ESRRG: variants seen among roughly 807,000 people sequenced by gnomAD.
ESRRG encodes estrogen-related receptor gamma.
A neutral mutation model predicts 44.0 loss-of-function variants in ESRRG; 13 were observed. The ratio of observed to expected loss-of-function variants is 0.30; its 90% CI spans 0.19 to 0.47. ESRRG has a LOEUF of 0.47. Ranked by LOEUF, ESRRG falls within the 20% of genes least tolerant of loss-of-function variation. The pLI is 1.00. For missense variants in ESRRG, 395 were observed against 580.6 expected (o/e 0.68, Z 3.29); for synonymous variants, 215 against 214.6 (o/e 1.00, Z -0.02).
At chr1:216,899,948 A>G (rs1208687996) in intron 2 of ESRRG, among the ~76,000 whole-genome samples, 1 of 152,144 alleles carries the variant, frequency 6.6e-6, no homozygotes, top group African/African-American at 2.4e-5. Context: ...CATCTGAGTT[A>G]TGTCTTATGC....
At chr1:216,787,588 C>G in intron 2 of ESRRG, among the ~76,000 whole-genome samples, 1 of 104,956 alleles carries the variant, frequency 9.5e-6, no homozygotes, top group Non-Finnish European at 1.8e-5. Context: ...GGTGACAGAG[C>G]AAGACTCCAT....
intron 1 of ESRRG, among the ~76,000 whole-genome samples, chr1:216,688,052 G>A (rs541633221): frequency 2.6e-5 from 4 of 151,906 alleles, no homozygotes; most frequent in East Asian, 1.9e-4. Context: ...GGGTGAAAAG[G>A]GTGAGAAAAA....
At chr1:217,102,515 G>A (rs1037341479) in intron 1 of ESRRG, among the ~76,000 whole-genome samples, 5 of 152,136 alleles carry the variant, frequency 3.3e-5, no homozygotes, top group Non-Finnish European at 5.9e-5. Flanking sequence ...GGTCTCCATT[G>A]CGTACTGCCT....
At chr1:216,697,391 TTG>T (rs1199360512) in intron 1 of ESRRG, among the ~76,000 whole-genome samples, 2 of 152,232 alleles carry the variant, frequency 1.3e-5, no homozygotes, top group Non-Finnish European at 2.9e-5. Context: ...TTGTTGTGAT[TTG>T]TGTTTGTTTA....
intron 5 of ESRRG, among the ~76,000 whole-genome samples, chr1:216,522,027 T>C (rs1401686272): frequency 6.6e-6 from 1 of 152,146 alleles, no homozygotes; most frequent in Non-Finnish European, 1.5e-5. Context: ...ATTAACAATG[T>C]TACAGCCATA....
intron 1 of ESRRG, among the ~76,000 whole-genome samples, chr1:217,051,933 A>T: frequency 6.7e-6 from 1 of 150,126 alleles, no homozygotes; most frequent in East Asian, 2.0e-4. Context: ...CCAGATAATT[A>T]TTTATTTATT....
chr1:216,610,164 AC>A (rs1356921229), intron 3 of ESRRG, among the ~76,000 whole-genome samples: 5 of 152,044 alleles, frequency 3.3e-5, no homozygotes, highest in Non-Finnish European at 7.4e-5. Context: ...TCTTTAAAAA[AC>A]ATTAGGTGAC....
chr1:217,101,123 A>G (rs989713812), intron 1 of ESRRG, among the ~76,000 whole-genome samples: 2 of 152,226 alleles, frequency 1.3e-5, no homozygotes, highest in African/African-American at 4.8e-5. Flanking sequence ...CTTTCTTGCC[A>G]GGTTCTTTTG....
chr1:217,012,316 A>G (rs1171260004), intron 1 of ESRRG, among the ~76,000 whole-genome samples: 1 of 152,192 alleles, frequency 6.6e-6, no homozygotes, highest in Non-Finnish European at 1.5e-5. Context: ...CATAAGAGGT[A>G]TGCAATCAAT....
At chr1:216,618,292 G>A (rs1292329505) in intron 3 of ESRRG, among the ~76,000 whole-genome samples, 1 of 152,194 alleles carries the variant, frequency 6.6e-6, no homozygotes, top group Non-Finnish European at 1.5e-5. Context: ...AGTGGGGCGA[G>A]TTGCACTGAT....
chr1:216,522,139 G>A (rs866149887), intron 5 of ESRRG, among the ~76,000 whole-genome samples: 8 of 151,118 alleles, frequency 5.3e-5, no homozygotes, highest in African/African-American at 1.9e-4. Context: ...ATTGATGGTT[G>A]TGTGTGTGTA....
chr1:216,833,849 G>T (rs966335042), intron 2 of ESRRG, among the ~76,000 whole-genome samples: 1 of 152,128 alleles, frequency 6.6e-6, no homozygotes, highest in Non-Finnish European at 1.5e-5. Context: ...AAAATGCTAC[G>T]GATAGCACAT....
chr1:216,794,791 A>G (rs1241575108), intron 2 of ESRRG, among the ~76,000 whole-genome samples: 1 of 152,330 alleles, frequency 6.6e-6, no homozygotes, highest in East Asian at 1.9e-4. Flanking sequence ...AAGTTGCATG[A>G]ATGAAAAGGA....
At chr1:217,015,324 C>G (rs1229981540) in intron 1 of ESRRG, among the ~76,000 whole-genome samples, 1 of 152,180 alleles carries the variant, frequency 6.6e-6, no homozygotes, top group Non-Finnish European at 1.5e-5. Flanking sequence ...GGGCCATCAT[C>G]CAGACACTGC....
chr1:216,739,264 GAA>G (rs59371441), intron 2 of ESRRG, among the ~76,000 whole-genome samples: 81,884 of 143,758 alleles, frequency 0.57, 23,022 homozygotes, highest in East Asian at 0.72. Context: ...TCATTAAAGT[GAA>G]AAAAAAAAAA....
intron 2 of ESRRG, among the ~76,000 whole-genome samples, chr1:216,844,585 C>CATT (rs138664344): frequency 0.019 from 2,934 of 152,248 alleles, 105 homozygotes; most frequent in African/African-American, 0.068. Context: ...TCCATTAAGG[C>CATT]CCTCTGCCTT....
intron 2 of ESRRG, among the ~76,000 whole-genome samples, chr1:216,788,034 G>C (rs1197897905): frequency 6.6e-6 from 1 of 152,130 alleles, no homozygotes; most frequent in African/African-American, 2.4e-5. Flanking sequence ...TCACGCATTG[G>C]TTCATGAAGT....
chr1:216,568,629 C>G (rs145012071), intron 3 of ESRRG, among the ~76,000 whole-genome samples: 1 of 152,128 alleles, frequency 6.6e-6, no homozygotes, highest in African/African-American at 2.4e-5. Context: ...TCCTGAGAGA[C>G]GCAAGAATTG....
At chr1:216,918,338 G>T (rs1309399439) in intron 2 of ESRRG, among the ~76,000 whole-genome samples, 4 of 152,002 alleles carry the variant, frequency 2.6e-5, no homozygotes, top group Non-Finnish European at 5.9e-5. Context: ...TATGTGCCCT[G>T]CTCTCTCTTT....
Sources: gnomAD v4.1 joint callset for allele counts (sites outside exome capture counted in the v4.1 genomes callset) on GRCh38, gnomAD v4.1.1 for gene constraint, MANE v1.5 for transcripts, NCBI Gene and HGNC (gene_info 2026-07-23, HGNC 2026-07-21) for gene names.